Variants in FBXO36 observed in about 807,000 individuals in gnomAD.
FBXO36 encodes the protein F-box protein 36, also known as F-box only protein 36.
A neutral mutation model predicts 17.0 loss-of-function variants in FBXO36; 18 were observed. The ratio of observed to expected loss-of-function variants is 1.06; its 90% CI spans 0.73 to 1.57. FBXO36 has a LOEUF of 1.57. Among genes scored for constraint, FBXO36 ranks in the 40% most tolerant of loss-of-function variants. The pLI is 0.00. For synonymous variants in FBXO36, 83 were observed against 85.3 expected (o/e 0.97, Z 0.15); for missense variants, 229 against 221.9 (o/e 1.03, Z -0.20).
At chr2:229,950,212 G>A (rs992554874) in intron 1 of FBXO36, among the ~76,000 whole-genome samples, 2 of 152,092 alleles carry the variant, frequency 1.3e-5, no homozygotes, top group Non-Finnish European at 2.9e-5. Context: ...TGGATCACGA[G>A]GTCAGGGGTT....
At chr2:229,957,867 T>C (rs1478415515) in intron 1 of FBXO36, among the ~76,000 whole-genome samples, 1 of 152,160 alleles carries the variant, frequency 6.6e-6, no homozygotes, top group Non-Finnish European at 1.5e-5. Context: ...CTCAAGAAAC[T>C]TGGGCAAAAT....
At chr2:229,987,051 C>A (rs2077271890) in intron 2 of FBXO36, among the ~76,000 whole-genome samples, 2 of 151,398 alleles carry the variant, frequency 1.3e-5, no homozygotes, top group Middle Eastern at 6.9e-3. Flanking sequence ...AGACCCATCT[C>A]TACTAAAAAT....
At chr2:229,953,525 A>G (rs2077068485) in intron 1 of FBXO36, among the ~76,000 whole-genome samples, 1 of 151,792 alleles carries the variant, frequency 6.6e-6, no homozygotes, top group Non-Finnish European at 1.5e-5. Flanking sequence ...AAAATTAAAA[A>G]AAAAAAATTG....
intron 3 of FBXO36, among the ~76,000 whole-genome samples, chr2:230,001,387 A>C (rs1577363912): frequency 6.6e-6 from 1 of 151,720 alleles, no homozygotes; most frequent in Non-Finnish European, 1.5e-5. Context: ...TCCTGGGTTC[A>C]AGCAATTCTG....
At chr2:229,982,049 A>G (rs1002883254) in intron 2 of FBXO36, among the ~76,000 whole-genome samples, 3 of 151,248 alleles carry the variant, frequency 2.0e-5, no homozygotes, top group African/African-American at 7.3e-5. Context: ...TGAGAGACCT[A>G]GCCTCACTCT....
At chr2:230,003,506 A>T (rs904166505) in intron 3 of FBXO36, among the ~76,000 whole-genome samples, 1 of 150,030 alleles carries the variant, frequency 6.7e-6, no homozygotes, top group African/African-American at 2.4e-5. Context: ...TGTTTGTTGT[A>T]TCAAAAGGGC....
At chr2:229,941,776 G>A (rs2077000533) in intron 1 of FBXO36, among the ~76,000 whole-genome samples, 1 of 152,164 alleles carries the variant, frequency 6.6e-6, no homozygotes. Context: ...CAGCACTTTG[G>A]GAGGCCGAGG....
chr2:229,928,794 A>G lies in FBXO36; in HGVS notation c.96+6185A>G, dbSNP rs545759818. On this transcript the variant is annotated intron_variant, in intron 1 of 3. Coordinates refer to ENST00000283946, the MANE Select transcript of FBXO36 (RefSeq NM_174899.5). ...TTGTTTGTTTTAGAGGCAGAATCTC[A>G]TTCTGTCCCCCAGGCTGGTGTGTAG... 2.0e-5 allele frequency among the ~76,000 whole-genome samples: 3 copies of G among 152,162 alleles called. No homozygotes were observed. In the East Asian group the frequency reaches 5.8e-4, roughly 29 times the overall value.
At chr2:229,926,796 T>G (rs1425417314) in intron 1 of FBXO36, among the ~76,000 whole-genome samples, 1 of 152,116 alleles carries the variant, frequency 6.6e-6, no homozygotes, top group African/African-American at 2.4e-5. Flanking sequence ...TATTTTCTTA[T>G]ATTGGATTCT....
At chr2:229,942,694 GTCTC>G (rs1560434380) in intron 1 of FBXO36, 2 of 152,330 alleles carry the variant, frequency 1.3e-5, no homozygotes, top group Admixed American at 6.5e-5. Flanking sequence ...CTCCCACCAC[GTCTC>G]TGGGTTTACG....
At chr2:229,924,127 G>C (rs531041024) in intron 1 of FBXO36, among the ~76,000 whole-genome samples, 1 of 147,352 alleles carries the variant, frequency 6.8e-6, no homozygotes, top group African/African-American at 2.5e-5. Flanking sequence ...GTCTCCCTCT[G>C]TTGCCCAGGC....
At chr2:229,967,411 C>T (rs907213968) in intron 1 of FBXO36, among the ~76,000 whole-genome samples, 25 of 152,116 alleles carry the variant, frequency 1.6e-4, no homozygotes, top group Non-Finnish European at 3.2e-4. Context: ...CTTCCAACAC[C>T]ATGTTGAATA....
chr2:229,984,533 C>T lies in FBXO36; in HGVS notation c.205+8184C>T, dbSNP rs1401956080. Reference sequence around the variant, plus strand: ...CCTCCCAAGTAGCTGGGACTACAGGCGCCCGCCAGCAAGCCCGGCTAATTT... The same window carrying T: ...CCTCCCAAGTAGCTGGGACTACAGGTGCCCGCCAGCAAGCCCGGCTAATTT... On this transcript the variant is annotated intron_variant, in intron 2 of 3. Transcript: ENST00000283946. Among the ~76,000 whole-genome samples the T allele has an allele frequency of 2.0e-5, 3 of 150,774 alleles. No individual in the cohort carries two copies. The South Asian group carries it at 6.3e-4, about 32-fold the overall frequency.
At chr2:229,923,494 A>G (rs755307498) in intron 1 of FBXO36, among the ~76,000 whole-genome samples, 2 of 152,180 alleles carry the variant, frequency 1.3e-5, no homozygotes, top group Admixed American at 6.6e-5. Flanking sequence ...AGAAGTTTGT[A>G]TATATTTGTT....
chr2:229,961,126 T>C (rs1444122924), intron 1 of FBXO36, among the ~76,000 whole-genome samples: 1 of 151,910 alleles, frequency 6.6e-6, no homozygotes, highest in Admixed American at 6.6e-5. Flanking sequence ...AAAAATAAAT[T>C]TATTCCTTTT....
chr2:229,938,288 C>T (rs2076976901), intron 1 of FBXO36, among the ~76,000 whole-genome samples: 1 of 127,400 alleles, frequency 7.8e-6, no homozygotes, highest in Non-Finnish European at 1.6e-5. Context: ...ATGGCGCCAT[C>T]TCGGCTCACC....
At chr2:229,935,811 C>T (rs1020159056) in intron 1 of FBXO36, among the ~76,000 whole-genome samples, 1 of 152,150 alleles carries the variant, frequency 6.6e-6, no homozygotes, top group African/African-American at 2.4e-5. Context: ...GTATCAAGTG[C>T]TACCATGTGC....
chr2:229,975,952 C>T (rs1439774359), intron 1 of FBXO36, among the ~76,000 whole-genome samples: 1 of 152,058 alleles, frequency 6.6e-6, no homozygotes, highest in Non-Finnish European at 1.5e-5. Flanking sequence ...AAGTGATCCA[C>T]CCACCTCGGC....
At chr2:229,941,363 GAGA>G (rs1284860437) in intron 1 of FBXO36, among the ~76,000 whole-genome samples, 4 of 152,136 alleles carry the variant, frequency 2.6e-5, no homozygotes, top group Non-Finnish European at 5.9e-5. Context: ...GCTGAGGCAG[GAGA>G]ATTGCTTGAA....
Sources: gnomAD v4.1 joint callset for allele counts (sites outside exome capture counted in the v4.1 genomes callset) on GRCh38, gnomAD v4.1.1 for gene constraint, MANE v1.5 for transcripts, NCBI Gene and HGNC (gene_info 2026-07-23, HGNC 2026-07-21) for gene names.